Variants in SCARB2 observed in about 807,000 individuals in gnomAD.
The protein encoded by SCARB2 is scavenger receptor class B member 2.
In SCARB2, 29 loss-of-function variants were observed where a neutral mutation model predicts 58.6. The observed-to-expected ratio is 0.49, with a 90% CI of 0.37 to 0.67. SCARB2 has a LOEUF of 0.67. SCARB2 is among the 30% of genes least tolerant of loss of function. The pLI is 0.00. For missense variants in SCARB2, 488 were observed against 578.5 expected (o/e 0.84, Z 1.60); for synonymous variants, 195 against 210.1 (o/e 0.93, Z 0.62).
At chr4:76,180,172 A>T in intron 3 of SCARB2, 1 of 195,456 alleles carries the variant, frequency 5.1e-6, no homozygotes, top group Non-Finnish European at 1.1e-5. Flanking sequence ...AGGGTGGGAG[A>T]GTCGGCAGGG....
At chr4:76,222,214 T>G (rs1733321070) in intron 1 of SCARB2, among the ~76,000 whole-genome samples, 1 of 152,062 alleles carries the variant, frequency 6.6e-6, no homozygotes, top group African/African-American at 2.4e-5. Flanking sequence ...CTGGGCATCA[T>G]ATTTCCTATC....
At chr4:76,178,128 A>G (rs1179464425) in intron 4 of SCARB2, among the ~76,000 whole-genome samples, 5 of 152,218 alleles carry the variant, frequency 3.3e-5, no homozygotes, top group African/African-American at 1.2e-4. Flanking sequence ...GTATTAATAT[A>G]GCCCTATTTT....
At chr4:76,171,201 AAGGCATGACTTCCTTCTTTGTGAC>A in intron 7 of SCARB2, among the ~76,000 whole-genome samples, 1 of 152,114 alleles carries the variant, frequency 6.6e-6, no homozygotes, top group Admixed American at 6.5e-5. Context: ...TAGTTCCACA[AAGGCATGACTTCCTTCTTTGTGAC>A]CTATAATGAC....
chr4:76,161,906 T>C (rs1313869743), intron 11 of SCARB2, 155 bp from the exon 12 acceptor site: 1 of 694,222 alleles, frequency 1.4e-6, no homozygotes, highest in Non-Finnish European at 2.5e-6. Flanking sequence ...CTGCTGCTTG[T>C]TCTTGAAGAT....
intron 2 of SCARB2, chr4:76,192,330 C>T (rs1194511804): frequency 6.6e-6 from 1 of 152,182 alleles, no homozygotes; most frequent in Admixed American, 6.5e-5. Context: ...GAAAAGGTCT[C>T]AGATGGAAAT....
At chr4:76,162,478 A>G (rs1475360698) in intron 11 of SCARB2, 1 of 153,154 alleles carries the variant, frequency 6.5e-6, no homozygotes, top group Non-Finnish European at 1.5e-5. Context: ...CATTGCAGGT[A>G]TTCAGGTTCC....
At position 76,225,679 on chromosome 4, in the gene SCARB2, T is replaced by C. The variant is rs182854433; in HGVS notation, c.-358+8624A>G. Among the ~76,000 whole-genome samples, 117 of 152,376 alleles carry C rather than the reference T, an allele frequency of 7.7e-4. No individual in the cohort carries two copies. The Middle Eastern group carries it at 0.01, about 13-fold the overall frequency. On this transcript the variant is annotated intron_variant, in intron 1 of 11. Transcript: ENST00000638295. ...TTTGTTTTTAATTCTGTTGATGTGA[T>C]GTATCACACTTATTGACTTGCGTAA...
chr4:76,167,870 C>T lies in SCARB2; in HGVS notation c.1187+533G>A, dbSNP rs181328697. On this transcript the variant is annotated intron_variant, in intron 9 of 11. Transcript: ENST00000264896. Reference sequence around the variant, plus strand: ...CTAATTTTTGTATTTTTAGTAGAGACGAGGTTTCACCATGTTGGCCAGGAT... The same window carrying T: ...CTAATTTTTGTATTTTTAGTAGAGATGAGGTTTCACCATGTTGGCCAGGAT... 4.7e-3 allele frequency among the ~76,000 whole-genome samples: 718 copies of T among 152,102 alleles called. 6 individuals carry two copies. The highest frequency in any genetic ancestry group is 0.016 in the African/African-American group (665 of 41,506).
chr4:76,231,027 G>A (rs1213848129), intron 1 of SCARB2, among the ~76,000 whole-genome samples: 2 of 152,126 alleles, frequency 1.3e-5, no homozygotes, highest in African/African-American at 4.8e-5. Flanking sequence ...TTGGAATTGA[G>A]TTTGGAACAA....
At chr4:76,228,492 G>A (rs1837868) in intron 1 of SCARB2, among the ~76,000 whole-genome samples, 22,124 of 135,322 alleles carry the variant, frequency 0.16, 1,919 homozygotes, top group East Asian at 0.35. Flanking sequence ...AAAAAAAAAA[G>A]AAAGAAAGAA....
intron 1 of SCARB2, among the ~76,000 whole-genome samples, chr4:76,204,068 T>G (rs950837086): frequency 2.0e-5 from 3 of 152,212 alleles, no homozygotes; most frequent in African/African-American, 7.2e-5. Flanking sequence ...CTTGGAGAAC[T>G]TGCCCTAATT....
intron 1 of SCARB2, 189 bp downstream of exon 1, chr4:76,213,238 A>G: frequency 1.5e-6 from 1 of 649,208 alleles, no homozygotes; most frequent in Admixed American, 2.1e-5. Flanking sequence ...AAGGGAACAG[A>G]GTCGGCTCCA....
Position 76,174,172 on chromosome 4 carries a change from T to C in SCARB2, c.966A>G (p.Gly322=), listed in dbSNP as rs1470593238. ...TCTTGCAGATGCTGACATTCAGAAC[T>C]CCTGAGCCCAGGCAGTTTCCCTCAG... ...CIPEGNCLGS[G]VLNVSICKNG... The change falls in exon 7 of 12, where the codon GGA becomes GGG. Residue 322 remains glycine, a synonymous_variant. Transcript: ENST00000264896. 1 of 1,613,952 alleles carries C rather than the reference T, an allele frequency of 6.2e-7. No individual in the cohort carries two copies. The highest frequency in any genetic ancestry group is 8.5e-7 in the Non-Finnish European group (1 of 1,180,032).
intron 2 of SCARB2, among the ~76,000 whole-genome samples, chr4:76,189,350 C>G (rs1378438723): frequency 6.6e-6 from 1 of 152,206 alleles, no homozygotes; most frequent in Non-Finnish European, 1.5e-5. Flanking sequence ...TTAATTGACT[C>G]ACAGCTCAGC....
upstream of SCARB2, chr4:76,214,234 C>T (rs1402247835): frequency 2.2e-6 from 1 of 454,904 alleles, no homozygotes; most frequent in South Asian, 1.6e-5. Context: ...GCAATTACAA[C>T]ACAATGTAGC....
intron 1 of SCARB2, 94 bp downstream of exon 1, chr4:76,213,333 T>C: frequency 3.5e-6 from 3 of 865,362 alleles, no homozygotes; most frequent in Non-Finnish European, 5.8e-6. Flanking sequence ...AGGGTCTGCC[T>C]GAGTGCTGGT....
chr4:76,175,436 C>A, intron 6 of SCARB2: 1 of 331,710 alleles, frequency 3.0e-6, no homozygotes, highest in Non-Finnish European at 5.8e-6. Context: ...GTGTGATGGG[C>A]CCTGGGCTAA....
intron 1 of SCARB2, among the ~76,000 whole-genome samples, chr4:76,225,328 A>G (rs1733376695): frequency 6.6e-6 from 1 of 152,262 alleles, no homozygotes; most frequent in Non-Finnish European, 1.5e-5. Context: ...GTATATGATC[A>G]TATCATCAGC....
chr4:76,213,800 C>T lies in SCARB2; in HGVS notation c.-257G>A, dbSNP rs1222296829. The stretch of plus-strand genomic sequence containing the variant: ...TTTCCTTCGCCGGGCAGCCGTGGCG[C>T]CCGCCTAGCGCAGCTCGGGAGAGTG... On this transcript the variant is annotated 5_prime_UTR_variant, in exon 1 of 12. Coordinates refer to ENST00000264896, the MANE Select transcript of SCARB2 (RefSeq NM_005506.4). 3 of 374,668 alleles carry T rather than the reference C, an allele frequency of 8.0e-6. No homozygotes were observed. The highest frequency in any genetic ancestry group is 1.4e-5 in the Non-Finnish European group (3 of 209,194). 23.2% of individuals were successfully genotyped at this position (374,668 alleles called of 1,614,324 possible). A position where few individuals can be genotyped will look rare whatever the true frequency, so the allele number is the denominator to read the frequency against.
Sources: gnomAD v4.1 joint callset for allele counts (sites outside exome capture counted in the v4.1 genomes callset) on GRCh38, gnomAD v4.1.1 for gene constraint, MANE v1.5 for transcripts, NCBI Gene and HGNC (gene_info 2026-07-23, HGNC 2026-07-21) for gene names.